Variants in CDYL observed in about 807,000 individuals in gnomAD.
The protein encoded by CDYL is chromodomain Y like, also known as chromodomain Y-like protein.
In CDYL, 8 loss-of-function variants were observed where a neutral mutation model predicts 47.3. The ratio of observed to expected loss-of-function variants is 0.17; its 90% CI spans 0.10 to 0.31. The LOEUF (loss-of-function observed/expected upper bound fraction) is 0.31, where lower values mean the gene tolerates loss of function less well. Ranked by LOEUF, CDYL falls within the 10% of genes least tolerant of loss-of-function variation. CDYL has a pLI of 1.00. For missense variants in CDYL, 471 were observed against 701.4 expected, an observed-to-expected ratio of 0.67 and a Z score of 3.71; for synonymous variants, 266 against 265.0, an observed-to-expected ratio of 1.00 and a Z score of -0.04.
chr6:4,786,799 A>G (rs914216427), intron 1 of CDYL, among the ~76,000 whole-genome samples: 4 of 152,156 alleles, frequency 2.6e-5, no homozygotes, highest in East Asian at 1.9e-4. Context: ...GGAGAACTCC[A>G]TGTCTTCCAG....
chr6:4,767,592 TGAGGG>T (rs751817157), intron 3 of CDYL, among the ~76,000 whole-genome samples: 1 of 139,570 alleles, frequency 7.2e-6, no homozygotes, highest in Non-Finnish European at 1.5e-5. Flanking sequence ...AGAGGCGAGA[TGAGGG>T]GAGGGGAGGG....
At chr6:4,773,059 C>T, upstream of CDYL, 1 of 452,556 alleles carries the variant, frequency 2.2e-6, no homozygotes, top group Non-Finnish European at 4.4e-6. The surrounding 1 kb of genome is among the most constrained non-coding windows in gnomAD (Gnocchi z 4.6). Flanking sequence ...TGGGAAGAGG[C>T]TGTGATTCTT....
At chr6:4,904,879 C>G (rs926597242) in intron 2 of CDYL, among the ~76,000 whole-genome samples, 3 of 152,122 alleles carry the variant, frequency 2.0e-5, no homozygotes, top group African/African-American at 7.2e-5. Flanking sequence ...CCCCTCATCC[C>G]CACCCCGACC....
intron 1 of CDYL, among the ~76,000 whole-genome samples, chr6:4,890,701 C>G (rs182317162): frequency 2.0e-5 from 3 of 152,284 alleles, no homozygotes; most frequent in Admixed American, 2.0e-4. Context: ...TTCGCCTGAC[C>G]TACCTCTAAC....
chr6:4,895,433 G>A (rs376992108), intron 2 of CDYL, among the ~76,000 whole-genome samples: 1 of 3,742 alleles, frequency 2.7e-4, no homozygotes, highest in African/African-American at 3.0e-4. Context: ...ATGTATACAT[G>A]TATACGTATA....
intron 2 of CDYL, among the ~76,000 whole-genome samples, chr6:4,894,905 A>ATG (rs1762162530): frequency 7.0e-6 from 1 of 141,890 alleles, no homozygotes; most frequent in Non-Finnish European, 1.5e-5. Flanking sequence ...ATACACACGT[A>ATG]CGTGTGTATA....
intron 1 of CDYL, among the ~76,000 whole-genome samples, chr6:4,792,100 G>T (rs975935362): frequency 2.0e-5 from 3 of 149,262 alleles, no homozygotes; most frequent in African/African-American, 7.5e-5. Context: ...CACCATGTTA[G>T]CCAGGATGGT....
chr6:4,737,260 G>C (rs1345218371), intron 3 of CDYL, among the ~76,000 whole-genome samples: 6 of 152,106 alleles, frequency 3.9e-5, no homozygotes, highest in Non-Finnish European at 7.3e-5. Context: ...GTAATAGAAG[G>C]AACGATGGGG....
Position 4,885,468 on chromosome 6 carries a change from C to G in CDYL, c.25-6245C>G, listed in dbSNP as rs970981876. On this transcript the variant is annotated intron_variant, in intron 1 of 6. Transcript: ENST00000397588. ...TTCAGTTATCAGATGGATCAGAGTGCATATAGGGCTGGGTTTTATCCGAGG... is the reference window on the plus strand; with the variant it reads ...TTCAGTTATCAGATGGATCAGAGTGGATATAGGGCTGGGTTTTATCCGAGG... Among the ~76,000 whole-genome samples, 5 of 152,264 alleles carry G rather than the reference C, an allele frequency of 3.3e-5. No homozygotes were observed. The East Asian group carries it at 9.6e-4, about 29-fold the overall frequency.
intron 2 of CDYL, among the ~76,000 whole-genome samples, chr6:4,923,197 T>C (rs1218307346): frequency 6.6e-6 from 1 of 152,194 alleles, no homozygotes; most frequent in Non-Finnish European, 1.5e-5. Context: ...TAATTTTATA[T>C]CTGTTAACTG....
intron 3 of CDYL, among the ~76,000 whole-genome samples, chr6:4,765,491 G>C (rs561286095): frequency 1.3e-5 from 2 of 151,446 alleles, no homozygotes; most frequent in South Asian, 2.1e-4. Context: ...GGGATGCAGG[G>C]GAATTTATAG....
At chr6:4,752,763 T>C (rs1367019007) in intron 3 of CDYL, among the ~76,000 whole-genome samples, 1 of 152,024 alleles carries the variant, frequency 6.6e-6, no homozygotes, top group Non-Finnish European at 1.5e-5. Flanking sequence ...CCTCATCACA[T>C]GGCGGCGAGG....
chr6:4,827,422 TC>T, intron 1 of CDYL, among the ~76,000 whole-genome samples: 1 of 152,334 alleles, frequency 6.6e-6, no homozygotes, highest in East Asian at 1.9e-4. Flanking sequence ...TTGTTTGGAT[TC>T]CCTTCTCATT....
intron 4 of CDYL, among the ~76,000 whole-genome samples, chr6:4,940,333 A>G (rs1758328210): frequency 6.6e-6 from 1 of 152,254 alleles, no homozygotes; most frequent in East Asian, 1.9e-4. Context: ...TAGTTACACC[A>G]GAGTCACTTA....
chr6:4,790,020 T>C (rs557935059), intron 1 of CDYL, among the ~76,000 whole-genome samples: 1 of 152,330 alleles, frequency 6.6e-6, no homozygotes, highest in Admixed American at 6.5e-5. Flanking sequence ...CTGTACATCA[T>C]TGAGGACATC....
At position 4,891,866 on chromosome 6, in the gene CDYL, A is replaced by G. The variant is rs779849243; in HGVS notation, c.178A>G (p.Thr60Ala). The G allele has an allele frequency of 1.2e-6, 2 of 1,614,208 alleles. No individual in the cohort carries two copies. Among genetic ancestry groups the G allele is most frequent in the East Asian group, 2.2e-5 (1 of 44,878 alleles). The change falls in exon 2 of 7, where the codon ACG becomes GCG. Residue 60 changes from threonine to alanine, a missense_variant. Transcript: ENST00000397588. ...EYIHDFNRRH[T>A]EKQKESTLTR... ...CATCCACGACTTCAACAGACGCCAC[A>G]CGGAGAAGCAGAAGGAGAGCACATT...
chr6:4,831,120 G>A (rs564237113), intron 1 of CDYL, among the ~76,000 whole-genome samples: 1 of 152,186 alleles, frequency 6.6e-6, no homozygotes, highest in Admixed American at 6.5e-5. Flanking sequence ...TATATCCCCA[G>A]TAATGGGATG....
intron 3 of CDYL, among the ~76,000 whole-genome samples, chr6:4,752,667 A>G (rs765554954): frequency 6.6e-6 from 1 of 152,148 alleles, no homozygotes; most frequent in Non-Finnish European, 1.5e-5. Flanking sequence ...AGTGAAAATC[A>G]TGGAATATTA....
chr6:4,724,171 G>A (rs549957922), intron 2 of CDYL, among the ~76,000 whole-genome samples: 1 of 152,238 alleles, frequency 6.6e-6, no homozygotes, highest in East Asian at 1.9e-4. Context: ...TTCCGAAGTA[G>A]CTGGGACCAC....
Sources: gnomAD v4.1 joint callset for allele counts (sites outside exome capture counted in the v4.1 genomes callset) on GRCh38, gnomAD v4.1.1 for gene constraint, Gnocchi (gnomAD v3.1) non-coding constraint, MANE v1.5 for transcripts, NCBI Gene and HGNC (gene_info 2026-07-23, HGNC 2026-07-21) for gene names.